The following MBLAC2 variants were observed in gnomAD, a reference collection of about 807,000 sequenced individuals.
MBLAC2 encodes the protein metallo-beta-lactamase domain containing 2.
Under a neutral mutation model 23.3 loss-of-function variants are expected in MBLAC2, and 24 were observed. The observed-to-expected ratio is 1.03, with a 90% CI of 0.75 to 1.45. MBLAC2 has a LOEUF of 1.45. Ranked by LOEUF, MBLAC2 falls within the 40% of genes most tolerant of loss-of-function variation. The pLI is 0.00. For missense variants in MBLAC2, 358 were observed against 370.0 expected, an observed-to-expected ratio of 0.97 and a Z score of 0.27; for synonymous variants, 162 against 150.9, an observed-to-expected ratio of 1.07 and a Z score of -0.54.
intron 1 of MBLAC2, among the ~76,000 whole-genome samples, chr5:90,470,672 TGGCTCTCATCCTTCTA>T (rs1212413753): frequency 6.6e-6 from 1 of 151,902 alleles, no homozygotes; most frequent in East Asian, 1.9e-4. Flanking sequence ...GGGAAAGGCC[TGGCTCTCATCCTTCTA>T]GGAAACTAGT....
At chr5:90,471,078 T>C (rs947541406) in intron 1 of MBLAC2, among the ~76,000 whole-genome samples, 3 of 152,190 alleles carry the variant, frequency 2.0e-5, no homozygotes, top group African/African-American at 7.2e-5. Context: ...TGGCATAGTA[T>C]AAAACTGTTA....
intron 1 of MBLAC2, among the ~76,000 whole-genome samples, chr5:90,468,331 G>C (rs201885422): frequency 6.6e-6 from 1 of 152,020 alleles, no homozygotes; most frequent in Non-Finnish European, 1.5e-5. Context: ...AACACCAATT[G>C]TTCTTAGACT....
intron 1 of MBLAC2, among the ~76,000 whole-genome samples, chr5:90,470,750 G>T (rs775861973): frequency 1.3e-3 from 55 of 43,894 alleles, no homozygotes; most frequent in Non-Finnish European, 1.9e-3. Flanking sequence ...GAAAACTAGC[G>T]CGCGCGCACA....
intron 1 of MBLAC2, among the ~76,000 whole-genome samples, chr5:90,465,591 AT>A (rs1052346460): frequency 3.3e-5 from 5 of 152,138 alleles, no homozygotes; most frequent in African/African-American, 1.2e-4. Flanking sequence ...AATCTTAATT[AT>A]TTTTTTAAAG....
In MBLAC2 at chr5:90,461,337, C is replaced by T. The variant is rs1750362953; in HGVS notation, c.670G>A (p.Val224Ile). The part of the protein sequence containing the change: ...RLIELVDRGL[V>I]EKVLPGHFNT... ...AAGTGCCCAGGAAGCACCTTCTCTA[C>T]CAGACCTCTGTCCACTAATTCTATT... The change falls in exon 2 of 2, where the codon GTA (valine) becomes ATA (isoleucine). Residue 224 changes from valine (V) to isoleucine (I), a missense_variant. Val to Ile is a conservative substitution (Grantham distance 29, BLOSUM62 3). Coordinates refer to ENST00000316610, the MANE Select transcript of MBLAC2 (RefSeq NM_203406.2). 1.2e-6 allele frequency: 2 copies of T among 1,614,054 alleles called. No homozygotes were observed. The highest frequency in any genetic ancestry group is 8.5e-7 in the Non-Finnish European group (1 of 1,180,022).
At chr5:90,473,622 A>G in intron 1 of MBLAC2, 2 of 684,554 alleles carry the variant, frequency 2.9e-6, no homozygotes, top group South Asian at 3.1e-5. Context: ...CAGAATCTCT[A>G]CACGATGCCA....
Position 90,461,066 on chromosome 5 carries a change from TG to T in MBLAC2, c.*100del. On this transcript the variant is annotated 3_prime_UTR_variant, in exon 2 of 2. Coordinates refer to ENST00000316610, the MANE Select transcript of MBLAC2 (RefSeq NM_203406.2). ...TCAATCTTTCTCTGATATATAATAG[TG>T]GTATAAAAGCACTTCATGAAATGCT... 1 of 900,902 alleles carries T rather than the reference TG, an allele frequency of 1.1e-6. No homozygotes were observed. 55.8% of individuals were successfully genotyped at this position (900,902 alleles called of 1,614,324 possible). A position where few individuals can be genotyped will look rare whatever the true frequency, so the allele number is the denominator to read the frequency against.
At position 90,474,628 on chromosome 5, in the gene MBLAC2, A is replaced by T; in HGVS notation, c.-336T>A. 2 of 331,926 alleles carry T rather than the reference A, an allele frequency of 6.0e-6. No homozygotes were observed. Among genetic ancestry groups the T allele is most frequent in the South Asian group, 5.9e-5 (2 of 33,844 alleles). The allele number at this position is 331,926 out of a possible 1,614,324, so 20.6% of individuals were successfully genotyped here. A position where few individuals can be genotyped will look rare whatever the true frequency, so the allele number is the denominator to read the frequency against. ...GGCCACTGCAGCAGAATGGAGACTC[A>T]GGTGGCGACCGTTTCGCCACCCCGG... On this transcript the variant is annotated 5_prime_UTR_variant, in exon 1 of 2. Transcript: ENST00000316610.
At chr5:90,468,243 A>G (rs566830932) in intron 1 of MBLAC2, among the ~76,000 whole-genome samples, 15 of 152,314 alleles carry the variant, frequency 9.8e-5, no homozygotes, top group African/African-American at 2.9e-4. Context: ...CTAGATCTCT[A>G]GCAAGGCTGG....
chr5:90,467,696 A>G (rs13436287), intron 1 of MBLAC2, among the ~76,000 whole-genome samples: 56,587 of 148,180 alleles, frequency 0.38, 11,243 homozygotes, highest in East Asian at 0.5. Flanking sequence ...GAGATGCGAC[A>G]TACTATTCTA....
At chr5:90,464,883 TG>T (rs1750423246) in intron 1 of MBLAC2, among the ~76,000 whole-genome samples, 1 of 152,214 alleles carries the variant, frequency 6.6e-6, no homozygotes, top group Non-Finnish European at 1.5e-5. Context: ...GGGAAGGTCC[TG>T]AACTTGATAA....
At position 90,460,999 on chromosome 5, in the gene MBLAC2, A is replaced by G. The variant is rs1190761220; in HGVS notation, c.*168T>C. On this transcript the variant is annotated 3_prime_UTR_variant, in exon 2 of 2. Transcript: ENST00000316610. Reference sequence around the variant, plus strand: ...AGTGGCTTCTTTCTTGGAAGAAAGAAAACAATTTAAACTAACAATTTTCTT... The same window carrying G: ...AGTGGCTTCTTTCTTGGAAGAAAGAGAACAATTTAAACTAACAATTTTCTT... 2 of 602,128 alleles carry G rather than the reference A, an allele frequency of 3.3e-6. No individual in the cohort carries two copies. The highest frequency in any genetic ancestry group is 5.4e-6 in the Non-Finnish European group (2 of 373,724). 37.3% of individuals were successfully genotyped at this position (602,128 alleles called of 1,614,324 possible).
In MBLAC2 at chr5:90,474,756, G is replaced by A. The variant is rs894702950; in HGVS notation, c.-464C>T. ...TCCCAGCTGGCGCAGAAAGTGTGGG[G>A]CCTCGCGGGTTGTACGGCGACTACG... On this transcript the variant is annotated 5_prime_UTR_variant, in exon 1 of 2. Coordinates refer to ENST00000316610, the MANE Select transcript of MBLAC2 (RefSeq NM_203406.2). 71 of 190,564 alleles carry A rather than the reference G, an allele frequency of 3.7e-4. No individual in the cohort carries two copies. The highest frequency in any genetic ancestry group is 5.9e-4 in the Non-Finnish European group (55 of 93,426). 11.8% of individuals were successfully genotyped at this position (190,564 alleles called of 1,614,324 possible).
rs1474015567 is a variant in MBLAC2 at position 90,473,838 on chromosome 5, C to T, written c.454+1G>A. ...AGCGCGCGCCCGCGGGGGCCCATTACCATCCTGCAGGATGAGGGTGGGCTG... is the reference window on the plus strand; with the variant it reads ...AGCGCGCGCCCGCGGGGGCCCATTATCATCCTGCAGGATGAGGGTGGGCTG... On this transcript the variant is annotated splice_donor_variant, in intron 1 of 1. Transcript: ENST00000316610. LOFTEE classifies it high-confidence loss of function. The T allele has an allele frequency of 6.3e-7, 1 of 1,575,960 alleles. No individual in the cohort carries two copies. Among genetic ancestry groups the T allele is most frequent in the Non-Finnish European group, 8.6e-7 (1 of 1,160,786 alleles).
chr5:90,463,033 A>C (rs886918534), intron 1 of MBLAC2, among the ~76,000 whole-genome samples: 1 of 152,248 alleles, frequency 6.6e-6, no homozygotes, highest in Non-Finnish European at 1.5e-5. Flanking sequence ...TGCCTACAAC[A>C]TAATTAAATT....
In MBLAC2 at chr5:90,474,538, C is replaced by G; in HGVS notation, c.-246G>C. ...CGGCAGCAAGCAGAGGCTGCGCCACCAGCACGGGGGCGCAGGAGCTACCGC... is the reference window on the plus strand; with the variant it reads ...CGGCAGCAAGCAGAGGCTGCGCCACGAGCACGGGGGCGCAGGAGCTACCGC... On this transcript the variant is annotated 5_prime_UTR_variant, in exon 1 of 2. Transcript: ENST00000316610. 1 of 527,994 alleles carries G rather than the reference C, an allele frequency of 1.9e-6. No homozygotes were observed. 32.7% of individuals were successfully genotyped at this position (527,994 alleles called of 1,614,324 possible). A position where few individuals can be genotyped will look rare whatever the true frequency, so the allele number is the denominator to read the frequency against.
At chr5:90,469,554 C>T (rs1334379749) in intron 1 of MBLAC2, among the ~76,000 whole-genome samples, 1 of 151,658 alleles carries the variant, frequency 6.6e-6, no homozygotes, top group Non-Finnish European at 1.5e-5. Flanking sequence ...AATAGCTTGT[C>T]TTATCCCCCT....
chr5:90,470,145 T>C (rs1750520508), intron 1 of MBLAC2, among the ~76,000 whole-genome samples: 1 of 152,076 alleles, frequency 6.6e-6, no homozygotes, highest in Non-Finnish European at 1.5e-5. Context: ...ATGACAAATA[T>C]CCCACGTTTA....
At chr5:90,473,405 C>T in intron 1 of MBLAC2, 4 of 450,100 alleles carry the variant, frequency 8.9e-6, no homozygotes, top group Non-Finnish European at 1.6e-5. Context: ...CTGCAATTCT[C>T]AAAAGCACAG....
Sources: gnomAD v4.1 joint callset for allele counts (sites outside exome capture counted in the v4.1 genomes callset) on GRCh38, gnomAD v4.1.1 for gene constraint, MANE v1.5 for transcripts, NCBI Gene and HGNC (gene_info 2026-07-23, HGNC 2026-07-21) for gene names.